Variants in NEK9 observed in about 807,000 individuals in gnomAD.
NEK9 encodes NIMA related kinase 9, also known as serine/threonine-protein kinase Nek9.
NEK9 carries 75 observed loss-of-function variants against 123.4 expected under a neutral mutation model. That is an observed-to-expected ratio of 0.61 (90% CI 0.50 to 0.74). NEK9 has a LOEUF of 0.74. Ranked by LOEUF, NEK9 falls within the 30% of genes least tolerant of loss-of-function variation. NEK9 has a pLI of 0.00. For missense variants in NEK9, 952 were observed against 1,214.4 expected, an observed-to-expected ratio of 0.78 and a Z score of 3.21; for synonymous variants, 438 against 458.7, an observed-to-expected ratio of 0.95 and a Z score of 0.58.
chr14:75,114,983 A>G (rs908182763), intron 6 of NEK9, among the ~76,000 whole-genome samples: 24 of 151,950 alleles, frequency 1.6e-4, no homozygotes, highest in Non-Finnish European at 3.4e-4. Flanking sequence ...ATATACATAT[A>G]TACACATATA....
chr14:75,117,577 A>C (rs1446262266), intron 5 of NEK9, among the ~76,000 whole-genome samples: 1 of 152,204 alleles, frequency 6.6e-6, no homozygotes, highest in Non-Finnish European at 1.5e-5. Flanking sequence ...GGGGCTCAAT[A>C]GCTCTGTGAT....
intron 16 of NEK9, among the ~76,000 whole-genome samples, chr14:75,100,430 G>C (rs1894537459): frequency 6.6e-6 from 1 of 152,116 alleles, no homozygotes; most frequent in African/African-American, 2.4e-5. Context: ...TGGGCAACAA[G>C]AGCGAAACTC....
intron 15 of NEK9, 40 bp downstream of exon 15, chr14:75,101,617 C>CAGCTACTAAGGCATGG (rs761499722): frequency 5.8e-6 from 8 of 1,374,200 alleles, no homozygotes; most frequent in Non-Finnish European, 6.2e-6. Context: ...AAAAGAGGCT[C>CAGCTACTAAGGCATGG]AGCTACTAAG....
chr14:75,113,291 A>G, intron 8 of NEK9, 48 bp downstream of exon 8: 2 of 1,442,818 alleles, frequency 1.4e-6, no homozygotes, highest in Non-Finnish European at 9.7e-7. Context: ...AGCCTCTAAA[A>G]GTCAACTATC....
chr14:75,106,176 G>A, intron 12 of NEK9, 180 bp from the exon 13 acceptor site: 1 of 616,670 alleles, frequency 1.6e-6, no homozygotes, highest in Non-Finnish European at 2.9e-6. Flanking sequence ...TGGCCAGTGT[G>A]GTGAAACCCC....
chr14:75,083,300 A>C lies in NEK9; in HGVS notation c.*1264T>G. ...AGGAAACCATCAAATACTTGCCTAG[A>C]ACTTTCTATATGAAGTTTTGTTCTT... is the stretch of plus-strand genomic sequence containing the variant. On this transcript the variant is annotated 3_prime_UTR_variant, in exon 22 of 22. Transcript: ENST00000238616. 2.6e-6 allele frequency: 1 copy of C among 391,812 alleles called. No individual in the cohort carries two copies. Among genetic ancestry groups the C allele is most frequent in the Non-Finnish European group, 4.5e-6 (1 of 222,244 alleles). 24.3% of individuals were successfully genotyped at this position (391,812 alleles called of 1,614,324 possible).
chr14:75,121,016 A>G (rs1463516442), intron 3 of NEK9, 103 bp downstream of exon 3: 3 of 975,944 alleles, frequency 3.1e-6, no homozygotes, highest in East Asian at 4.9e-5. Context: ...GTCTGAACAA[A>G]AGGAAAAAAA....
intron 19 of NEK9, among the ~76,000 whole-genome samples, chr14:75,089,212 A>G (rs919899350): frequency 2.0e-5 from 3 of 152,070 alleles, no homozygotes; most frequent in Non-Finnish European, 2.9e-5. Context: ...GACCACAGGC[A>G]TGTGCCACCA....
chr14:75,106,966 G>A (rs775775778), intron 11 of NEK9, among the ~76,000 whole-genome samples: 2 of 152,052 alleles, frequency 1.3e-5, no homozygotes, highest in Non-Finnish European at 2.9e-5. Flanking sequence ...GGCCATCTTT[G>A]TTATATAGAT....
intron 16 of NEK9, among the ~76,000 whole-genome samples, chr14:75,099,870 C>T (rs1055697497): frequency 1.3e-5 from 2 of 151,396 alleles, no homozygotes. Context: ...GTGGCTCACA[C>T]CTGTAATCCC....
At chr14:75,094,801 T>C (rs1894328015) in intron 18 of NEK9, among the ~76,000 whole-genome samples, 3 of 151,984 alleles carry the variant, frequency 2.0e-5, no homozygotes. Context: ...ATAAATAAAA[T>C]AAATCAGAAT....
intron 16 of NEK9, 92 bp from the exon 17 acceptor site, chr14:75,097,362 A>G (rs954055058): frequency 9.3e-7 from 1 of 1,069,780 alleles, no homozygotes; most frequent in Admixed American, 2.9e-5. Flanking sequence ...AGCTAGAAAG[A>G]CTTCCCACTA....
Position 75,101,029 on chromosome 14 carries a change from G to A in NEK9, c.1965C>T (p.Val655=). ...CAATGGTAAACTCATCACCGCAGGAGACCCTGATCACTTGCTTCCCACCAA... is the reference window on the plus strand; with the variant it reads ...CAATGGTAAACTCATCACCGCAGGAAACCCTGATCACTTGCTTCCCACCAA... ...GPLGGKQVIR[V]SCGDEFTIAA... The change falls in exon 16 of 22, where the codon GTC becomes GTT. Residue 655 remains valine (V), a synonymous_variant. Coordinates refer to ENST00000238616, the MANE Select transcript of NEK9 (RefSeq NM_033116.6). 1 of 1,614,200 alleles carries A rather than the reference G, an allele frequency of 6.2e-7. No homozygotes were observed. The highest frequency in any genetic ancestry group is 8.5e-7 in the Non-Finnish European group (1 of 1,180,020).
Position 75,126,778 on chromosome 14 carries a change from C to T in NEK9, c.144G>A (p.Glu48=). The T allele has an allele frequency of 2.0e-6, 3 of 1,531,884 alleles. No individual in the cohort carries two copies. The highest frequency in any genetic ancestry group is 2.6e-6 in the Non-Finnish European group (3 of 1,140,290). The allele number at this position is 1,531,884 out of a possible 1,614,324, so 94.9% of individuals were successfully genotyped here. Reference sequence around the variant, plus strand: ...CGCGGATGGGGATGTAGTGCAGTTCCTCCTGCTCCGCCGCGCCGCCGCCGG... The same window carrying T: ...CGCGGATGGGGATGTAGTGCAGTTCTTCCTGCTCCGCCGCGCCGCCGCCGG... ...PRAGGGAAEQ[E]ELHYIPIRVL... The change falls in exon 1 of 22, where the codon GAG becomes GAA. Residue 48 remains glutamate (E), a synonymous_variant. Transcript: ENST00000238616.
At chr14:75,097,791 T>TTG (rs1894437401) in intron 16 of NEK9, among the ~76,000 whole-genome samples, 1 of 152,130 alleles carries the variant, frequency 6.6e-6, no homozygotes. Flanking sequence ...TTCTGACACT[T>TTG]GAACAGAGAT....
chr14:75,126,624 G>T, intron 1 of NEK9, 79 bp downstream of exon 1: 1 of 1,174,248 alleles, frequency 8.5e-7, no homozygotes, highest in Non-Finnish European at 1.1e-6. Context: ...TCACGACGCT[G>T]GGAAAGCGGG....
At chr14:75,086,281 G>A (rs990064389) in intron 21 of NEK9, 1 of 151,524 alleles carries the variant, frequency 6.6e-6, no homozygotes, top group Non-Finnish European at 1.5e-5. Flanking sequence ...GAAAAGAAAT[G>A]AGACATACAT....
At chr14:75,094,508 A>C (rs1424474424) in intron 18 of NEK9, among the ~76,000 whole-genome samples, 2 of 152,194 alleles carry the variant, frequency 1.3e-5, no homozygotes, top group African/African-American at 4.8e-5. Flanking sequence ...ACAATATCAG[A>C]ATCTGGGCTG....
At chr14:75,124,315 C>T (rs2139814308) in intron 1 of NEK9, 92 bp from the exon 2 acceptor site, 1 of 1,150,894 alleles carries the variant, frequency 8.7e-7, no homozygotes, top group Admixed American at 2.1e-5. Context: ...GGAAAACTTC[C>T]TAGAGGGGCA....
Sources: gnomAD v4.1 joint callset for allele counts (sites outside exome capture counted in the v4.1 genomes callset) on GRCh38, gnomAD v4.1.1 for gene constraint, MANE v1.5 for transcripts, NCBI Gene and HGNC (gene_info 2026-07-23, HGNC 2026-07-21) for gene names.